Variants in DLG2 observed in about 807,000 individuals in gnomAD.
The protein encoded by DLG2 is discs large MAGUK scaffold protein 2.
Under a neutral mutation model 132.5 loss-of-function variants are expected in DLG2, and 45 were observed. The ratio of observed to expected loss-of-function variants is 0.34; its 90% CI spans 0.27 to 0.44. DLG2 has a LOEUF of 0.44. Ranked by LOEUF, DLG2 falls within the 20% of genes least tolerant of loss-of-function variation. The probability of loss-of-function intolerance (pLI) is 1.00; values close to 1 mark genes in which losing one functional copy is unlikely to be tolerated. For synonymous variants in DLG2, 424 were observed against 419.6 expected, an observed-to-expected ratio of 1.01 and a Z score of -0.13; for missense variants, 1,045 against 1,196.9, an observed-to-expected ratio of 0.87 and a Z score of 1.87.
chr11:84,687,733 T>C (rs1301978640), intron 6 of DLG2, among the ~76,000 whole-genome samples: 1 of 152,208 alleles, frequency 6.6e-6, no homozygotes, highest in African/African-American at 2.4e-5. Flanking sequence ...GTAAATTTCT[T>C]GAAGATCATA....
At chr11:85,255,689 A>T (rs1213481926) in intron 4 of DLG2, among the ~76,000 whole-genome samples, 2 of 152,208 alleles carry the variant, frequency 1.3e-5, no homozygotes, top group Non-Finnish European at 1.5e-5. Flanking sequence ...TCTATATTTG[A>T]AAATGACTTC....
chr11:84,377,074 T>C (rs1185658683), intron 7 of DLG2, among the ~76,000 whole-genome samples: 1 of 152,062 alleles, frequency 6.6e-6, no homozygotes, highest in Non-Finnish European at 1.5e-5. Flanking sequence ...AAAATTATGA[T>C]TACCAGATAT....
intron 19 of DLG2, among the ~76,000 whole-genome samples, chr11:83,561,851 T>C (rs577994592): frequency 6.7e-6 from 1 of 150,252 alleles, no homozygotes; most frequent in East Asian, 2.0e-4. Flanking sequence ...ACATAAACAA[T>C]AATCCTGCAA....
At chr11:83,600,274 A>C (rs1271730886) in intron 19 of DLG2, among the ~76,000 whole-genome samples, 5 of 106,186 alleles carry the variant, frequency 4.7e-5, no homozygotes, top group African/African-American at 9.1e-5. Flanking sequence ...TGTGTATGAC[A>C]TTCAATTCCA....
chr11:84,976,327 G>A (rs993996203), intron 6 of DLG2, among the ~76,000 whole-genome samples: 1 of 152,096 alleles, frequency 6.6e-6, no homozygotes, highest in African/African-American at 2.4e-5. Context: ...TAATTAAACA[G>A]TTGCCAGGGG....
At chr11:85,049,201 AG>A (rs1371945026) in intron 6 of DLG2, among the ~76,000 whole-genome samples, 1 of 152,016 alleles carries the variant, frequency 6.6e-6, no homozygotes, top group African/African-American at 2.4e-5. Context: ...TCCATCCTAT[AG>A]TGAGTTAAAT....
At chr11:84,055,832 A>C (rs2096488917) in intron 11 of DLG2, among the ~76,000 whole-genome samples, 1 of 152,118 alleles carries the variant, frequency 6.6e-6, no homozygotes, top group African/African-American at 2.4e-5. Context: ...CTTGAGAGCA[A>C]GAACTATCTG....
At chr11:84,748,625 A>C (rs1387848596) in intron 6 of DLG2, among the ~76,000 whole-genome samples, 1 of 152,198 alleles carries the variant, frequency 6.6e-6, no homozygotes. Flanking sequence ...AAGCGACCTA[A>C]AACATAAATA....
At chr11:85,352,816 C>T (rs924243127) in intron 3 of DLG2, among the ~76,000 whole-genome samples, 7 of 152,146 alleles carry the variant, frequency 4.6e-5, no homozygotes, top group Admixed American at 4.6e-4. Context: ...CCCTTCCTTA[C>T]ACCTTGTACA....
At chr11:85,134,160 T>G (rs1438535149) in intron 5 of DLG2, among the ~76,000 whole-genome samples, 1 of 151,680 alleles carries the variant, frequency 6.6e-6, no homozygotes, top group African/African-American at 2.4e-5. Flanking sequence ...ACTGGACCAT[T>G]GAAATATCAA....
chr11:85,621,637 T>C (rs933658285), intron 2 of DLG2, among the ~76,000 whole-genome samples: 1 of 152,186 alleles, frequency 6.6e-6, no homozygotes, highest in African/African-American at 2.4e-5. Context: ...TCAGATGGAA[T>C]GGAAATAGCA....
chr11:84,147,651 T>C (rs1169506218), intron 9 of DLG2, among the ~76,000 whole-genome samples: 1 of 152,162 alleles, frequency 6.6e-6, no homozygotes, highest in Admixed American at 6.5e-5. Context: ...ATTCCACTTA[T>C]ATACTTAACA....
At chr11:83,868,910 A>C (rs1290592331) in intron 16 of DLG2, among the ~76,000 whole-genome samples, 1 of 152,162 alleles carries the variant, frequency 6.6e-6, no homozygotes, top group Non-Finnish European at 1.5e-5. Flanking sequence ...GAATGTGTGG[A>C]TAGAGATGAC....
At chr11:84,897,216 C>T (rs959243608) in intron 6 of DLG2, among the ~76,000 whole-genome samples, 1 of 147,518 alleles carries the variant, frequency 6.8e-6, no homozygotes, top group Non-Finnish European at 1.5e-5. Context: ...AATAGAATCA[C>T]CTTATATATT....
intron 6 of DLG2, among the ~76,000 whole-genome samples, chr11:84,969,017 C>T (rs1300232532): frequency 2.6e-5 from 4 of 151,696 alleles, no homozygotes; most frequent in African/African-American, 7.3e-5. Context: ...CAGTTGAAAG[C>T]CTCTCTACTT....
chr11:84,647,453 G>A (rs191741453), intron 6 of DLG2, among the ~76,000 whole-genome samples: 23 of 152,240 alleles, frequency 1.5e-4, no homozygotes, highest in Admixed American at 3.9e-4. Flanking sequence ...ATCAGACTAC[G>A]ATTATCTAGG....
At chr11:84,971,825 A>G (rs192733257) in intron 6 of DLG2, among the ~76,000 whole-genome samples, 142 of 152,280 alleles carry the variant, frequency 9.3e-4, no homozygotes, top group African/African-American at 3.4e-3. Flanking sequence ...TAAGGAAGTC[A>G]AAAAAGCTTT....
At chr11:85,307,042 T>G (rs2079996200) in intron 3 of DLG2, among the ~76,000 whole-genome samples, 1 of 152,206 alleles carries the variant, frequency 6.6e-6, no homozygotes, top group Admixed American at 6.5e-5. Context: ...TGAAAAATAC[T>G]GCAAGAAATA....
In DLG2 at chr11:85,400,939, T is replaced by TA. The variant is rs948387073; in HGVS notation, c.41-115575dup. 6.5e-3 allele frequency among the ~76,000 whole-genome samples: 818 copies of TA among 125,250 alleles called. 3 individuals are homozygous for TA. The highest frequency in any genetic ancestry group is 0.016 in the Middle Eastern group (4 of 254). The allele number at this position is 125,250 out of a possible 152,430, so 82.2% of individuals were successfully genotyped here. ...CTAAAACTTAAAGTATAATAATAAT[T>TA]AAAAAAAAAAAAAGAAAAAGAGGGA... On this transcript the variant is annotated intron_variant, in intron 3 of 27. Coordinates refer to ENST00000376104, the MANE Select transcript of DLG2 (RefSeq NM_001142699.3).
Sources: allele counts gnomAD v4.1 joint callset (sites outside exome capture counted in the v4.1 genomes callset), GRCh38; gene constraint gnomAD v4.1.1; transcripts MANE v1.5; gene names NCBI Gene and HGNC (gene_info 2026-07-23, HGNC 2026-07-21).